Variants in EXTL3 observed in about 807,000 individuals in gnomAD.
The protein encoded by EXTL3 is exostosin-like 3.
EXTL3 carries 27 observed loss-of-function variants against 69.3 expected under a neutral mutation model. The observed-to-expected ratio is 0.39, with a 90% CI of 0.29 to 0.54. EXTL3 has a LOEUF of 0.54. EXTL3 is among the 20% of genes least tolerant of loss of function. EXTL3 has a pLI of 0.69. For missense variants in EXTL3, 1,003 were observed against 1,231.8 expected, an observed-to-expected ratio of 0.81 and a Z score of 2.78; for synonymous variants, 511 against 499.4, an observed-to-expected ratio of 1.02 and a Z score of -0.31.
chr8:28,741,484 A>C (rs1318789926), intron 5 of EXTL3: 2 of 151,748 alleles, frequency 1.3e-5, no homozygotes, highest in African/African-American at 4.8e-5. Flanking sequence ...ACGGAATCTC[A>C]CTGTCACCCA....
chr8:28,618,215 C>T (rs1299352445), upstream of EXTL3, among the ~76,000 whole-genome samples: 1 of 151,936 alleles, frequency 6.6e-6, no homozygotes, highest in Non-Finnish European at 1.5e-5. Flanking sequence ...CCTGTAATCC[C>T]AGGTACTTTG....
intron 1 of EXTL3, among the ~76,000 whole-genome samples, chr8:28,676,794 G>A (rs1424249390): frequency 5.9e-5 from 9 of 152,176 alleles, no homozygotes; most frequent in African/African-American, 2.2e-4. Flanking sequence ...TAGAGGCAGT[G>A]CTTCTCAGAC....
chr8:28,707,388 G>T (rs369721848), intron 1 of EXTL3, among the ~76,000 whole-genome samples: 1 of 152,366 alleles, frequency 6.6e-6, no homozygotes, highest in East Asian at 1.9e-4. Context: ...CTGATGAAAT[G>T]TATGTGTGAA....
At chr8:28,644,019 T>C (rs13251141) in intron 1 of EXTL3, among the ~76,000 whole-genome samples, 50,542 of 152,058 alleles carry the variant, frequency 0.33, 9,074 homozygotes, top group African/African-American at 0.47. Context: ...CTGCCTCGGC[T>C]TCCCAAAATG....
intron 1 of EXTL3, among the ~76,000 whole-genome samples, chr8:28,661,717 T>TA (rs1227063471): frequency 1.3e-5 from 2 of 150,904 alleles, no homozygotes; most frequent in Non-Finnish European, 3.0e-5. Context: ...CCGCCTCTAC[T>TA]AAAAATACAA....
intron 5 of EXTL3, chr8:28,740,257 G>C (rs116218300): frequency 6.6e-6 from 1 of 152,172 alleles, no homozygotes; most frequent in South Asian, 2.1e-4. Context: ...TTACCTGCCT[G>C]TGGCTCCTCG....
chr8:28,736,624 T>C (rs530123788), intron 4 of EXTL3, among the ~76,000 whole-genome samples: 1 of 152,342 alleles, frequency 6.6e-6, no homozygotes, highest in African/African-American at 2.4e-5. Flanking sequence ...CTGCTCAAAT[T>C]TGGAATTAGG....
At chr8:28,634,059 C>T (rs969858881) in intron 1 of EXTL3, among the ~76,000 whole-genome samples, 1 of 152,126 alleles carries the variant, frequency 6.6e-6, no homozygotes, top group East Asian at 1.9e-4. Flanking sequence ...CCACATGGGC[C>T]GGGTTGAGGA....
intron 1 of EXTL3, among the ~76,000 whole-genome samples, chr8:28,624,265 A>T (rs767284366): frequency 1.3e-5 from 2 of 152,218 alleles, no homozygotes; most frequent in Non-Finnish European, 2.9e-5. Flanking sequence ...GTTAATATTC[A>T]TTTAAAAGCA....
At position 28,613,356 on chromosome 8, in the gene EXTL3, G is replaced by T. The variant is rs1806294089; in HGVS notation, n.314+5598G>T. ...CTGCTACCACGCCCAGCTAATTTTT[G>T]TATTTTTAGTAGAGACAGGGTTTCA... On this transcript the variant is annotated intron_variant and non_coding_transcript_variant, in intron 2 of 4. Transcript: ENST00000522725. Among the ~76,000 whole-genome samples the T allele has an allele frequency of 2.0e-5, 3 of 151,664 alleles. No individual in the cohort carries two copies. In the South Asian group the frequency reaches 6.2e-4, roughly 32 times the overall value.
chr8:28,719,807 TTTC>T, intron 3 of EXTL3, among the ~76,000 whole-genome samples: 1 of 152,186 alleles, frequency 6.6e-6, no homozygotes, highest in East Asian at 1.9e-4. Flanking sequence ...TTTCCTGAGT[TTTC>T]TTTGATTTTG....
rs1801135118 is a variant in EXTL3, at chr8:28,716,033, A to T, written c.-27A>T. 2 of 1,578,030 alleles carry T rather than the reference A, an allele frequency of 1.3e-6. No individual in the cohort carries two copies. Among genetic ancestry groups the T allele is most frequent in the Non-Finnish European group, 1.7e-6 (2 of 1,161,168 alleles). On this transcript the variant is annotated 5_prime_UTR_variant, in exon 3 of 7. The change abolishes the stop of an existing upstream ORF in the 5' untranslated region. Transcript: ENST00000220562. The surrounding 1 kb of genome is among the most constrained non-coding windows in gnomAD (Gnocchi z 7.1). ...TGGTTATGGCGAGTGACCCGACGTG[A>T]TCTGGGGGGCAGGCTGCAGAGGACT...
Position 28,656,175 on chromosome 8 carries a change from A to ATT in EXTL3, c.-53+33375_-53+33376dup, listed in dbSNP as rs34224320. Reference sequence around the variant, plus strand: ...TGAGCAATCAGAAGGTTGTTCAACCATTTTTTTTTTTGAGATAAGATTTCT... The same window carrying ATT: ...TGAGCAATCAGAAGGTTGTTCAACCATTTTTTTTTTTTTGAGATAAGATTTCT... On this transcript the variant is annotated intron_variant, in intron 1 of 6. Coordinates refer to the EXTL3 transcript ENST00000523149. 6.0e-3 allele frequency among the ~76,000 whole-genome samples: 900 copies of ATT among 148,844 alleles called. 11 individuals are homozygous for ATT. Among genetic ancestry groups the ATT allele is most frequent in the African/African-American group, 0.02 (824 of 40,818 alleles).
chr8:28,636,103 G>A (rs1457613919), intron 1 of EXTL3, among the ~76,000 whole-genome samples: 1 of 152,014 alleles, frequency 6.6e-6, no homozygotes, highest in African/African-American at 2.4e-5. Flanking sequence ...GGCTGAGGCG[G>A]GTAGATCACA....
At chr8:28,641,439 A>G (rs1806740460) in intron 1 of EXTL3, among the ~76,000 whole-genome samples, 1 of 152,202 alleles carries the variant, frequency 6.6e-6, no homozygotes, top group African/African-American at 2.4e-5. Flanking sequence ...TTATTTTAGA[A>G]TTGGGTATGG....
chr8:28,669,013 G>A (rs1807243800), intron 1 of EXTL3, among the ~76,000 whole-genome samples: 1 of 151,696 alleles, frequency 6.6e-6, no homozygotes, highest in Non-Finnish European at 1.5e-5. Flanking sequence ...ACAGGTGTGT[G>A]CCACCATGCC....
intron 1 of EXTL3, among the ~76,000 whole-genome samples, chr8:28,625,756 A>G (rs538956345): frequency 8.0e-4 from 122 of 152,264 alleles, no homozygotes; most frequent in East Asian, 3.3e-3. Context: ...TCGTAGTGCT[A>G]TCGGACCTCT....
chr8:28,632,231 AC>A (rs1374079056), intron 1 of EXTL3, among the ~76,000 whole-genome samples: 3 of 152,132 alleles, frequency 2.0e-5, no homozygotes, highest in Non-Finnish European at 4.4e-5. Context: ...ACATGGTGAA[AC>A]CCCATCTCTA....
intron 1 of EXTL3, among the ~76,000 whole-genome samples, chr8:28,667,924 C>G (rs1194808041): frequency 1.3e-5 from 2 of 151,536 alleles, no homozygotes; most frequent in Non-Finnish European, 2.9e-5. Flanking sequence ...GTCATCCCAA[C>G]ACTTTGGGGA....
Sources: allele counts gnomAD v4.1 joint callset (sites outside exome capture counted in the v4.1 genomes callset), GRCh38; gene constraint gnomAD v4.1.1; non-coding constraint Gnocchi (gnomAD v3.1); transcripts MANE v1.5; gene names NCBI Gene and HGNC (gene_info 2026-07-23, HGNC 2026-07-21).